CFAP47: variants seen among roughly 807,000 people sequenced by gnomAD.
CFAP47 encodes the protein cilia- and flagella-associated protein 47.
Under a neutral mutation model 148.1 loss-of-function variants are expected in CFAP47, and 29 were observed. The ratio of observed to expected loss-of-function variants is 0.20; its 90% CI spans 0.15 to 0.27. The LOEUF (loss-of-function observed/expected upper bound fraction) is 0.27, where lower values mean the gene tolerates loss of function less well. Among genes scored for constraint, CFAP47 ranks in the 10% least tolerant of loss-of-function variants. The probability of loss-of-function intolerance (pLI) is 1.00; values close to 1 mark genes in which losing one functional copy is unlikely to be tolerated. For synonymous variants in CFAP47, 664 were observed against 577.3 expected, an observed-to-expected ratio of 1.15 and a Z score of -2.15; for missense variants, 1,872 against 1,697.5, an observed-to-expected ratio of 1.10 and a Z score of -1.81.
intron 62 of CFAP47, among the ~76,000 whole-genome samples, chrX:36,371,957 T>C (rs1941971548): frequency 9.8e-6 from 1 of 102,328 alleles, no homozygotes; most frequent in Non-Finnish European, 2.0e-5. Flanking sequence ...TGTGTGTATA[T>C]ATACACACAT....
At chrX:36,149,611 T>C (rs1240277084) in intron 37 of CFAP47, among the ~76,000 whole-genome samples, 2 of 64,327 alleles carry the variant, frequency 3.1e-5, no homozygotes, top group Non-Finnish European at 5.2e-5. Flanking sequence ...TTTATTTATT[T>C]ATTTTATTTT....
At chrX:36,005,202 C>T (rs1936967563) in intron 21 of CFAP47, among the ~76,000 whole-genome samples, 1 of 110,303 alleles carries the variant, frequency 9.1e-6, no homozygotes, top group African/African-American at 3.3e-5. Flanking sequence ...CATTCATTTC[C>T]ACTTTATCTT....
At chrX:36,048,097 T>A (rs1388727198) in intron 26 of CFAP47, among the ~76,000 whole-genome samples, 1 of 111,952 alleles carries the variant, frequency 8.9e-6, no homozygotes, top group Admixed American at 9.5e-5. Flanking sequence ...TTCTCTACTC[T>A]CCAATGCTGT....
rs1008065769 is a variant in CFAP47, at chrX:36,280,615, G to C, written c.7573G>C (p.Asp2525His). Residue 2525 changes from aspartate to histidine, a missense_variant, in exon 50 of 64, where the codon GAT becomes CAT. Asp to His is a moderately conservative substitution (Grantham distance 81, BLOSUM62 -1). Transcript: ENST00000378653. Reference sequence around the variant, plus strand: ...AATAACAGAACAATCTAGCATTTTGGATGATGCAGACACATGTAAGTTTAT... The same window carrying C: ...AATAACAGAACAATCTAGCATTTTGCATGATGCAGACACATGTAAGTTTAT... ...DSITEQSSILDDADTYGNFNN... is the reference protein window; with the variant it reads ...DSITEQSSILHDADTYGNFNN... The C allele has an allele frequency of 2.2e-5, 11 of 492,981 alleles. No homozygotes were observed. Among genetic ancestry groups the C allele is most frequent in the Middle Eastern group, 3.2e-4 (1 of 3,111 alleles). The allele number at this position is 492,981 out of a possible 1,213,427, so 40.6% of individuals were successfully genotyped here. A position where few individuals can be genotyped will look rare whatever the true frequency, so the allele number is the denominator to read the frequency against.
At chrX:36,131,024 G>T (rs977879649) in intron 33 of CFAP47, among the ~76,000 whole-genome samples, 9 of 110,297 alleles carry the variant, frequency 8.2e-5, no homozygotes, top group Non-Finnish European at 1.7e-4. Flanking sequence ...GCACAGCAGG[G>T]TGATTATAGT....
At chrX:36,022,543 C>T (rs1297240617) in intron 22 of CFAP47, among the ~76,000 whole-genome samples, 2 of 111,402 alleles carry the variant, frequency 1.8e-5, no homozygotes, top group African/African-American at 3.3e-5. Flanking sequence ...TTGTTATTAT[C>T]CTTTTGAAGC....
chrX:36,194,569 C>T (rs968214286), intron 42 of CFAP47, among the ~76,000 whole-genome samples: 8 of 111,890 alleles, frequency 7.1e-5, no homozygotes, highest in African/African-American at 2.6e-4. Flanking sequence ...CATGGTTCTG[C>T]GGGCTGTATA....
At chrX:36,320,136 T>C (rs1333390425) in intron 57 of CFAP47, among the ~76,000 whole-genome samples, 13 of 111,739 alleles carry the variant, frequency 1.2e-4, no homozygotes, top group African/African-American at 4.2e-4. Context: ...AATATCTATT[T>C]CTTCTATATA....
intron 40 of CFAP47, among the ~76,000 whole-genome samples, chrX:36,184,330 A>G (rs371704847): frequency 8.9e-6 from 1 of 111,787 alleles, no homozygotes; most frequent in Admixed American, 9.6e-5. Context: ...GCATAGGAAC[A>G]TGGGTGGAGG....
At chrX:36,319,026 T>C (rs1282881875) in intron 56 of CFAP47, among the ~76,000 whole-genome samples, 183 bp from the exon 57 acceptor site, 1 of 111,925 alleles carries the variant, frequency 8.9e-6, no homozygotes, top group Non-Finnish European at 1.9e-5. Context: ...GATAAAACCA[T>C]TTATATTATT....
At chrX:36,213,376 G>T (rs1194577818) in intron 45 of CFAP47, among the ~76,000 whole-genome samples, 2 of 111,412 alleles carry the variant, frequency 1.8e-5, no homozygotes, top group African/African-American at 6.5e-5. Flanking sequence ...ATGTACATCA[G>T]TGGTACCTGG....
At chrX:36,166,403 C>T (rs1314285611) in intron 39 of CFAP47, among the ~76,000 whole-genome samples, 1 of 111,446 alleles carries the variant, frequency 9.0e-6, no homozygotes, top group Non-Finnish European at 1.9e-5. Flanking sequence ...GAATTTTTAT[C>T]TCTCTTATTG....
intron 39 of CFAP47, among the ~76,000 whole-genome samples, chrX:36,175,520 C>G (rs952671881): frequency 7.2e-5 from 8 of 111,599 alleles, no homozygotes; most frequent in South Asian, 3.8e-4. Context: ...TTCTAACAGA[C>G]CGGACCCTCA....
intron 26 of CFAP47, among the ~76,000 whole-genome samples, chrX:36,052,789 T>G (rs988460786): frequency 2.7e-5 from 3 of 112,591 alleles, no homozygotes; most frequent in African/African-American, 9.7e-5. Context: ...TTAGAAAGAA[T>G]TGAGGAATAA....
chrX:35,935,595 A>C (rs1419023335), intron 2 of CFAP47, among the ~76,000 whole-genome samples: 2 of 100,122 alleles, frequency 2.0e-5, no homozygotes, highest in African/African-American at 7.6e-5. Flanking sequence ...TTATATAGAT[A>C]GTTGTTAAAT....
At position 36,085,521 on chromosome X, in the gene CFAP47, A is replaced by C. The variant is rs1188812029; in HGVS notation, c.4899A>C (p.Ser1633=). The C allele has an allele frequency of 8.5e-7, 1 of 1,180,315 alleles. No homozygotes were observed. The highest frequency in any genetic ancestry group is 1.8e-5 in the African/African-American group (1 of 55,972). Residue 1633 remains serine (S), a synonymous_variant, in exon 30 of 64, where the codon TCA becomes TCC. Coordinates refer to ENST00000378653, the MANE Select transcript of CFAP47 (RefSeq NM_001304548.2). ...RVIQLHLQHS[S]LLDFLNAQGG... ...TTCAACTCCATTTGCAACATTCCTCACTTCTGGACTTTCTCAAGTAAGTGC... is the reference window on the plus strand; with the variant it reads ...TTCAACTCCATTTGCAACATTCCTCCCTTCTGGACTTTCTCAAGTAAGTGC...
At chrX:36,308,036 C>T (rs1348459986) in intron 55 of CFAP47, among the ~76,000 whole-genome samples, 1 of 110,865 alleles carries the variant, frequency 9.0e-6, no homozygotes, top group Non-Finnish European at 1.9e-5. Context: ...GATTAGAACC[C>T]CTTCATCATA....
chrX:36,351,337 G>A (rs1208661570), intron 59 of CFAP47, among the ~76,000 whole-genome samples: 2 of 111,574 alleles, frequency 1.8e-5, no homozygotes, highest in Non-Finnish European at 3.8e-5. Flanking sequence ...TCACAAACTT[G>A]TCATAAAATT....
chrX:35,938,941 T>G, intron 2 of CFAP47, among the ~76,000 whole-genome samples: 1 of 111,822 alleles, frequency 8.9e-6, no homozygotes, highest in Admixed American at 9.5e-5. Flanking sequence ...TTTTCAATTG[T>G]CCCTTAGTTT....
Sources: gnomAD v4.1 joint callset for allele counts (sites outside exome capture counted in the v4.1 genomes callset) on GRCh38, gnomAD v4.1.1 for gene constraint, MANE v1.5 for transcripts, NCBI Gene and HGNC (gene_info 2026-07-23, HGNC 2026-07-21) for gene names.